Variants in AEN observed in about 807,000 individuals in gnomAD.
AEN encodes the protein apoptosis-enhancing nuclease.
Under a neutral mutation model 17.7 loss-of-function variants are expected in AEN, and 21 were observed. That is an observed-to-expected ratio of 1.19 (90% CI 0.84 to 1.71). The LOEUF (loss-of-function observed/expected upper bound fraction) is 1.71, where lower values mean the gene tolerates loss of function less well. AEN is among the 40% of genes most tolerant of loss of function. The probability of loss-of-function intolerance (pLI) is 0.00; values close to 1 mark genes in which losing one functional copy is unlikely to be tolerated. For missense variants in AEN, 462 were observed against 435.9 expected (o/e 1.06, Z -0.53); for synonymous variants, 190 against 173.0 (o/e 1.10, Z -0.77).
At chr15:88,624,059 A>G (rs145463241) in intron 1 of AEN, among the ~76,000 whole-genome samples, 34 of 152,322 alleles carry the variant, frequency 2.2e-4, no homozygotes, top group African/African-American at 7.9e-4. Flanking sequence ...AAGCCTCCAG[A>G]GAATTGTCCT....
At chr15:88,612,839 G>T in the AEN span, among the ~76,000 whole-genome samples, 1 of 152,026 alleles carries the variant, frequency 6.6e-6, no homozygotes, top group Non-Finnish European at 1.5e-5. Context: ...GACGTCAGGG[G>T]ATCTGCCCAC....
In AEN at chr15:88,622,085, T is replaced by G. The variant is rs564639370; in HGVS notation, c.-65+703T>G. Among the ~76,000 whole-genome samples the G allele has an allele frequency of 3.3e-5, 5 of 152,250 alleles. No individual in the cohort carries two copies. The South Asian group carries it at 6.2e-4, about 19-fold the overall frequency. On this transcript the variant is annotated intron_variant, in intron 1 of 3. Coordinates refer to ENST00000332810, the MANE Select transcript of AEN (RefSeq NM_022767.4). ...GAGGGTCTAGAACTGCCCTCTGCCC[T>G]CTTGATCAGCCAGCAGGTTGGTGGC...
chr15:88,609,817 T>C, the AEN span, among the ~76,000 whole-genome samples: 9 of 152,188 alleles, frequency 5.9e-5, no homozygotes, highest in East Asian at 9.6e-4. Context: ...CCAATGAAAA[T>C]GGATTTACCC....
the AEN span, among the ~76,000 whole-genome samples, chr15:88,613,586 C>CG: frequency 0.21 from 29,684 of 140,562 alleles, 3,534 homozygotes; most frequent in Non-Finnish European, 0.26. Context: ...ACAAGCATCT[C>CG]GGGGGGGGAT....
chr15:88,607,686 C>T, the AEN span, among the ~76,000 whole-genome samples: 272 of 152,292 alleles, frequency 1.8e-3, no homozygotes, highest in African/African-American at 6.3e-3. Flanking sequence ...CATAAACACA[C>T]AGGTCTTTTC....
chr15:88,606,917 A>T, the AEN span, among the ~76,000 whole-genome samples: 1 of 152,014 alleles, frequency 6.6e-6, no homozygotes, highest in Non-Finnish European at 1.5e-5. Context: ...CTTTATACTG[A>T]AGGAGCTGAG....
rs149883792 is a variant in AEN, at chr15:88,626,474, G to A, written c.265G>A (p.Gly89Ser). The change falls in exon 2 of 4, where the codon GGC (glycine) becomes AGC (serine). Residue 89 changes from glycine (G) to serine (S), a missense_variant. Physicochemically the swap from Gly to Ser is moderately conservative, Grantham distance 56. Coordinates refer to ENST00000332810, the MANE Select transcript of AEN (RefSeq NM_022767.4). ...SGKQCLRAGS[G>S]SAPCSRRPAP... ...GAAGCAGTGTCTGAGGGCTGGATCT[G>A]GCAGTGCCCCATGCAGCAGAAGGCC... is the stretch of plus-strand genomic sequence containing the variant. 9.0e-4 allele frequency: 1,453 copies of A among 1,614,020 alleles called. 5 individuals are homozygous for A. Among genetic ancestry groups the A allele is most frequent in the Middle Eastern group, 1.3e-3 (8 of 6,062 alleles).
Position 88,630,393 on chromosome 15 carries a change from G to T in AEN, c.*99G>T, listed in dbSNP as rs1254516054. ...CTCCTTCCTGGGCAGGGTGGGGCAGGATGCAGTGAGCCAGCCCCAGGGCCA... is the reference window on the plus strand; with the variant it reads ...CTCCTTCCTGGGCAGGGTGGGGCAGTATGCAGTGAGCCAGCCCCAGGGCCA... On this transcript the variant is annotated 3_prime_UTR_variant, in exon 4 of 4. Coordinates refer to ENST00000332810, the MANE Select transcript of AEN (RefSeq NM_022767.4). The surrounding 1 kb of genome is among the most constrained non-coding windows in gnomAD (Gnocchi z 5.1). 7 of 1,177,742 alleles carry T rather than the reference G, an allele frequency of 5.9e-6. No homozygotes were observed. In the East Asian group the frequency reaches 1.3e-4, roughly 22 times the overall value. 73.0% of individuals were successfully genotyped at this position (1,177,742 alleles called of 1,614,324 possible). A position where few individuals can be genotyped will look rare whatever the true frequency, so the allele number is the denominator to read the frequency against.
chr15:88,611,937 G>T, the AEN span: 1 of 497,202 alleles, frequency 2.0e-6, no homozygotes. Context: ...CCATCGCAGC[G>T]GGGTGCAGGA....
chr15:88,608,537 T>G, the AEN span, among the ~76,000 whole-genome samples: 1 of 152,182 alleles, frequency 6.6e-6, no homozygotes. Context: ...AGAGATTTGG[T>G]GAAAACTTTT....
At chr15:88,621,098 C>A (rs1046093826), upstream of AEN, among the ~76,000 whole-genome samples, 2 of 152,214 alleles carry the variant, frequency 1.3e-5, no homozygotes, top group African/African-American at 4.8e-5. Context: ...TGGGACCGGG[C>A]AGGGACGACA....
Position 88,629,368 on chromosome 15 carries a change from C to T in AEN, c.683C>T (p.Thr228Ile), listed in dbSNP as rs1436707258. 2 of 1,614,038 alleles carry T rather than the reference C, an allele frequency of 1.2e-6. No individual in the cohort carries two copies. The highest frequency in any genetic ancestry group is 1.7e-6 in the Non-Finnish European group (2 of 1,180,032). ...PNFLSEPGLH[T>I]RARVSLKDLA... ...TTCCTCAGCGAGCCCGGCCTCCACA[C>T]CCGGGCCCGGGTCTCTCTAAAGGAC... is the stretch of plus-strand genomic sequence containing the variant. The change falls in exon 3 of 4, where the codon ACC becomes ATC. Residue 228 changes from threonine to isoleucine, a missense_variant. By Grantham distance (89) the Thr-to-Ile change is moderately conservative (BLOSUM62 -1). Transcript: ENST00000332810.
rs1289701460 is a variant in AEN, at chr15:88,630,217, G to A, written c.901G>A (p.Glu301Lys). The change falls in exon 4 of 4, where the codon GAG (glutamate) becomes AAG (lysine). Residue 301 changes from glutamate to lysine, a missense_variant. By Grantham distance (56) the Glu-to-Lys change is moderately conservative (BLOSUM62 1). Transcript: ENST00000332810. This position sits in a 1 kb window ranked among gnomAD's most constrained non-coding sequence, Gnocchi z 5.1. ...CAGCACAGACATGGAACAGTACATG[G>A]AGGACCAGTACTGGCCCGATGACCT... is the stretch of plus-strand genomic sequence containing the variant. Reference protein sequence around the residue: ...DSSTDMEQYMEDQYWPDDLAH... With the variant: ...DSSTDMEQYMKDQYWPDDLAH... 1 of 1,609,374 alleles carries A rather than the reference G, an allele frequency of 6.2e-7. No homozygotes were observed.
At chr15:88,626,046 G>A (rs116160748) in intron 1 of AEN, 100 bp from the exon 2 acceptor site, 10,656 of 777,684 alleles carry the variant, frequency 0.014, 173 homozygotes, top group African/African-American at 0.059. Context: ...CAGGGCTCTC[G>A]GGCATCCCCA....
Position 88,630,113 on chromosome 15 carries a change from A to G in AEN, c.797A>G (p.Tyr266Cys). 3 of 1,614,044 alleles carry G rather than the reference A, an allele frequency of 1.9e-6. No homozygotes were observed. Among genetic ancestry groups the G allele is most frequent in the South Asian group, 1.1e-5 (1 of 91,084 alleles). The change falls in exon 4 of 4, where the codon TAC becomes TGC. Residue 266 changes from tyrosine to cysteine, a missense_variant. Transcript: ENST00000332810. The surrounding 1 kb of genome is among the most constrained non-coding windows in gnomAD (Gnocchi z 5.1). Reference protein sequence around the residue: ...VEDATTAMELYRLVEVQWEQQ... With the variant: ...VEDATTAMELCRLVEVQWEQQ... Reference sequence around the variant, plus strand: ...GATGCCACGACAGCCATGGAGCTCTACCGGCTGGTGGAGGTGCAGTGGGAA... The same window carrying G: ...GATGCCACGACAGCCATGGAGCTCTGCCGGCTGGTGGAGGTGCAGTGGGAA...
At position 88,629,369 on chromosome 15, in the gene AEN, C is replaced by G. The variant is rs1289204568; in HGVS notation, c.684C>G (p.Thr228=). 6.2e-7 allele frequency: 1 copy of G among 1,614,042 alleles called. No homozygotes were observed. Among genetic ancestry groups the G allele is most frequent in the South Asian group, 1.1e-5 (1 of 91,086 alleles). Residue 228 remains threonine, a synonymous_variant, in exon 3 of 4, where the codon ACC becomes ACG. Transcript: ENST00000332810. ...TCCTCAGCGAGCCCGGCCTCCACACCCGGGCCCGGGTCTCTCTAAAGGACC... is the reference window on the plus strand; with the variant it reads ...TCCTCAGCGAGCCCGGCCTCCACACGCGGGCCCGGGTCTCTCTAAAGGACC... ...PNFLSEPGLH[T]RARVSLKDLA...
the AEN span, among the ~76,000 whole-genome samples, chr15:88,605,262 G>C: frequency 6.6e-6 from 1 of 152,168 alleles, no homozygotes; most frequent in Admixed American, 6.5e-5. The surrounding 1 kb of genome is among the most constrained non-coding windows in gnomAD (Gnocchi z 7.6). Context: ...TGTTTCGCTC[G>C]GTCCCGCGCC....
the AEN span, among the ~76,000 whole-genome samples, chr15:88,611,154 G>A: frequency 6.6e-6 from 1 of 152,224 alleles, no homozygotes; most frequent in Non-Finnish European, 1.5e-5. Context: ...GCTTCCAGAA[G>A]GGGGAGGCAC....
At chr15:88,614,641 G>GC in the AEN span, among the ~76,000 whole-genome samples, 1 of 152,202 alleles carries the variant, frequency 6.6e-6, no homozygotes, top group Admixed American at 6.5e-5. Context: ...CCCACCCATC[G>GC]CAACTGCAGC....
Sources: gnomAD v4.1 joint callset for allele counts (sites outside exome capture counted in the v4.1 genomes callset) on GRCh38, gnomAD v4.1.1 for gene constraint, Gnocchi (gnomAD v3.1) non-coding constraint, MANE v1.5 for transcripts, NCBI Gene and HGNC (gene_info 2026-07-23, HGNC 2026-07-21) for gene names.